Variants in DOCK1 observed in about 807,000 individuals in gnomAD.
DOCK1 encodes the protein dedicator of cytokinesis protein 1.
Under a neutral mutation model 262.7 loss-of-function variants are expected in DOCK1, and 138 were observed. That is an observed-to-expected ratio of 0.53 (90% CI 0.46 to 0.61). DOCK1 has a LOEUF of 0.61. Among genes scored for constraint, DOCK1 ranks in the 20% least tolerant of loss-of-function variants. The probability of loss-of-function intolerance (pLI) is 0.00; values close to 1 mark genes in which losing one functional copy is unlikely to be tolerated. For missense variants in DOCK1, 1,908 were observed against 2,370.7 expected, an observed-to-expected ratio of 0.80 and a Z score of 4.05; for synonymous variants, 866 against 867.4, an observed-to-expected ratio of 1.00 and a Z score of 0.03.
chr10:127,415,041 G>A, intron 43 of DOCK1, 111 bp from the exon 44 acceptor site: 1 of 979,950 alleles, frequency 1.0e-6, no homozygotes, highest in East Asian at 2.6e-5. Context: ...ACCCTGTCCT[G>A]CTGAAGGACC....
chr10:127,066,935 T>A (rs188317774), intron 23 of DOCK1, among the ~76,000 whole-genome samples: 4 of 152,350 alleles, frequency 2.6e-5, no homozygotes, highest in Admixed American at 2.6e-4. Flanking sequence ...CTTTCCCATT[T>A]GGCTCCTAGA....
At chr10:126,967,066 A>G (rs2037729552) in intron 1 of DOCK1, among the ~76,000 whole-genome samples, 1 of 152,176 alleles carries the variant, frequency 6.6e-6, no homozygotes, top group African/African-American at 2.4e-5. Flanking sequence ...CAGGATGTGA[A>G]TGGGACGCCA....
Position 126,990,539 on chromosome 10 carries a change from C to G in DOCK1, c.409C>G (p.Leu137Val). The G allele has an allele frequency of 6.2e-7, 1 of 1,613,814 alleles. No individual in the cohort carries two copies. The highest frequency in any genetic ancestry group is 8.5e-7 in the Non-Finnish European group (1 of 1,179,864). Residue 137 changes from leucine to valine, a missense_variant, in exon 6 of 52, where the codon CTG becomes GTG. Physicochemically the swap from Leu to Val is conservative, Grantham distance 32. Coordinates refer to ENST00000623213, the MANE Select transcript of DOCK1 (RefSeq NM_001290223.2). ...GCGATCACAAATTCTTTCTGGAACT[C>G]TGCCTCAGGATGAACTCAAAGAACT... is the stretch of plus-strand genomic sequence containing the variant. The part of the protein sequence containing the change: ...EWRSQILSGT[L>V]PQDELKELKK...
At chr10:127,433,067 C>T (rs1404450866) in intron 47 of DOCK1, among the ~76,000 whole-genome samples, 4 of 152,170 alleles carry the variant, frequency 2.6e-5, no homozygotes. Flanking sequence ...AAGAAGGTTC[C>T]TTCTGATACT....
chr10:127,398,956 G>A (rs2067072072), intron 38 of DOCK1, among the ~76,000 whole-genome samples: 1 of 152,176 alleles, frequency 6.6e-6, no homozygotes, highest in Non-Finnish European at 1.5e-5. Flanking sequence ...TAAGGAAGGA[G>A]CTTTATTATA....
chr10:127,368,675 C>A (rs2065052720), intron 33 of DOCK1, among the ~76,000 whole-genome samples: 1 of 152,140 alleles, frequency 6.6e-6, no homozygotes, highest in African/African-American at 2.4e-5. Flanking sequence ...TGAGCCTGCC[C>A]TTGGTCACAG....
At chr10:127,071,262 T>G (rs1249362295) in intron 23 of DOCK1, among the ~76,000 whole-genome samples, 4 of 152,122 alleles carry the variant, frequency 2.6e-5, no homozygotes, top group African/African-American at 9.7e-5. Flanking sequence ...GTCTTCTTGG[T>G]TGCTTCCTAG....
At chr10:127,307,122 A>G (rs976496659) in intron 29 of DOCK1, among the ~76,000 whole-genome samples, 1 of 152,216 alleles carries the variant, frequency 6.6e-6, no homozygotes, top group South Asian at 2.1e-4. Flanking sequence ...TACTGGAACT[A>G]TGCTAATCAG....
intron 33 of DOCK1, among the ~76,000 whole-genome samples, chr10:127,371,691 A>T (rs979407420): frequency 6.6e-6 from 1 of 152,130 alleles, no homozygotes; most frequent in African/African-American, 2.4e-5. Context: ...TTGTGTCTCT[A>T]TTATTTGTCC....
chr10:127,338,239 G>T (rs1484499190), intron 29 of DOCK1, among the ~76,000 whole-genome samples: 1 of 152,202 alleles, frequency 6.6e-6, no homozygotes, highest in Non-Finnish European at 1.5e-5. Context: ...CGAAGCTTTA[G>T]TATTGTAAGC....
intron 1 of DOCK1, among the ~76,000 whole-genome samples, chr10:126,916,809 G>T (rs1007019580): frequency 3.3e-5 from 5 of 152,012 alleles, no homozygotes; most frequent in Non-Finnish European, 5.9e-5. Flanking sequence ...TGCCCTCATG[G>T]GGTTTATAGT....
chr10:127,385,376 C>T (rs189656128), intron 38 of DOCK1, among the ~76,000 whole-genome samples: 2 of 151,768 alleles, frequency 1.3e-5, no homozygotes, highest in African/African-American at 4.8e-5. Flanking sequence ...TTTAATCAGC[C>T]AGTATTATAT....
intron 27 of DOCK1, among the ~76,000 whole-genome samples, chr10:127,211,405 C>T (rs1441143150): frequency 6.6e-6 from 1 of 152,194 alleles, no homozygotes; most frequent in Non-Finnish European, 1.5e-5. Context: ...AATTCATCTA[C>T]TGCCCTTAGC....
At chr10:127,358,835 G>C (rs562108265) in intron 32 of DOCK1, among the ~76,000 whole-genome samples, 36 of 152,296 alleles carry the variant, frequency 2.4e-4, no homozygotes, top group Middle Eastern at 3.4e-3. Context: ...ATTGCAAAGA[G>C]ATAATTTAAA....
At chr10:127,070,782 G>C (rs1483895883) in intron 23 of DOCK1, among the ~76,000 whole-genome samples, 1 of 151,598 alleles carries the variant, frequency 6.6e-6, no homozygotes, top group Non-Finnish European at 1.5e-5. Context: ...TTCCGACTCT[G>C]TAGGGAGGGG....
At chr10:127,370,031 A>G (rs912415883) in intron 33 of DOCK1, among the ~76,000 whole-genome samples, 1 of 152,038 alleles carries the variant, frequency 6.6e-6, no homozygotes, top group Non-Finnish European at 1.5e-5. Context: ...TTTTCCACCC[A>G]GATACAGTCC....
Position 127,318,835 on chromosome 10 carries a change from G to GAC in DOCK1, c.3045-20170_3045-20169insCA, listed in dbSNP as rs1327427522. Among the ~76,000 whole-genome samples the GAC allele has an allele frequency of 3.9e-4, 60 of 152,342 alleles. 1 individual carries two copies. Among genetic ancestry groups the GAC allele is most frequent in the African/African-American group, 1.4e-3 (58 of 41,578 alleles). ...TGGGCCCTGCAATGTCAGAGACTAT[G>GAC]AGTGTTATGAATAGAAATAGATACA... On this transcript the variant is annotated intron_variant, in intron 29 of 51. Coordinates refer to ENST00000623213, the MANE Select transcript of DOCK1 (RefSeq NM_001290223.2).
chr10:127,204,251 G>A (rs912160301), intron 27 of DOCK1, among the ~76,000 whole-genome samples: 4 of 152,106 alleles, frequency 2.6e-5, no homozygotes, highest in African/African-American at 9.7e-5. Flanking sequence ...GGCTGTTTCC[G>A]TGGATTCGAG....
intron 29 of DOCK1, among the ~76,000 whole-genome samples, chr10:127,297,376 A>G (rs1476339837): frequency 6.6e-6 from 1 of 152,150 alleles, no homozygotes; most frequent in Non-Finnish European, 1.5e-5. Context: ...TCAGTGAGTC[A>G]TGAGAATGAG....
Sources: gnomAD v4.1 joint callset for allele counts (sites outside exome capture counted in the v4.1 genomes callset) on GRCh38, gnomAD v4.1.1 for gene constraint, MANE v1.5 for transcripts, NCBI Gene and HGNC (gene_info 2026-07-23, HGNC 2026-07-21) for gene names.